Variants in FASTKD1 observed in about 807,000 individuals in gnomAD.
The protein encoded by FASTKD1 is FAST kinase domains 1.
Under a neutral mutation model 90.9 loss-of-function variants are expected in FASTKD1, and 94 were observed. The ratio of observed to expected loss-of-function variants is 1.03; its 90% confidence interval spans 0.88 to 1.23. The LOEUF is 1.23. FASTKD1 is among the 50% of genes most tolerant of loss of function. FASTKD1 has a pLI of 0.00. For missense variants in FASTKD1, 945 were observed against 993.5 expected, an observed-to-expected ratio of 0.95 and a Z score of 0.66; for synonymous variants, 319 against 345.8, an observed-to-expected ratio of 0.92 and a Z score of 0.86.
At chr2:169,571,503 G>C in intron 2 of FASTKD1, 150 bp downstream of exon 2, 1 of 497,440 alleles carries the variant, frequency 2.0e-6, no homozygotes, top group Non-Finnish European at 3.5e-6. Context: ...GGCAGAGCTT[G>C]CAGTGAGCCG....
chr2:169,556,265 C>T (rs141488951), intron 6 of FASTKD1, among the ~76,000 whole-genome samples: 1 of 151,630 alleles, frequency 6.6e-6, no homozygotes, highest in Non-Finnish European at 1.5e-5. Context: ...GGCAAAACAC[C>T]ATGTCTACAA....
At chr2:169,552,271 C>T (rs1008904517) in intron 7 of FASTKD1, among the ~76,000 whole-genome samples, 5 of 152,162 alleles carry the variant, frequency 3.3e-5, no homozygotes, top group Admixed American at 1.3e-4. Context: ...CATTATCATA[C>T]GTGCTTCAAG....
At chr2:169,548,767 AG>A (rs1389806159) in intron 7 of FASTKD1, among the ~76,000 whole-genome samples, 1 of 147,116 alleles carries the variant, frequency 6.8e-6, no homozygotes, top group Admixed American at 6.9e-5. Flanking sequence ...CTTTAGGTAT[AG>A]AAGTAGTGGA....
chr2:169,561,748 A>G (rs556392693), intron 4 of FASTKD1, among the ~76,000 whole-genome samples: 893 of 74,290 alleles, frequency 0.012, 11 homozygotes, highest in Non-Finnish European at 0.016. Flanking sequence ...ATTATTCATT[A>G]TAAATTATTT....
At chr2:169,532,563 T>C (rs1684538588) in intron 12 of FASTKD1, among the ~76,000 whole-genome samples, 1 of 151,790 alleles carries the variant, frequency 6.6e-6, no homozygotes, top group Non-Finnish European at 1.5e-5. Context: ...TAGATATCAC[T>C]AATGGTTTAC....
At chr2:169,553,485 C>A (rs1685591539) in intron 7 of FASTKD1, among the ~76,000 whole-genome samples, 1 of 152,146 alleles carries the variant, frequency 6.6e-6, no homozygotes. Context: ...TTTCTTATAA[C>A]ATCCTAATAC....
intron 12 of FASTKD1, among the ~76,000 whole-genome samples, chr2:169,534,450 GT>G (rs1249656293): frequency 0.021 from 2,577 of 124,924 alleles, 63 homozygotes; most frequent in African/African-American, 0.057. Context: ...AATTTCTGTT[GT>G]TTTTTTTTTT....
In FASTKD1 at chr2:169,529,665, C is replaced by G. The variant is rs1684390823; in HGVS notation, c.*160G>C. ...TCTTATACACTCCCACCCCACTCCC[C>G]ACTTGTTCTGCTCCAGCCACACTGG... On this transcript the variant is annotated 3_prime_UTR_variant, in exon 15 of 15. Transcript: ENST00000453153. The G allele has an allele frequency of 3.4e-6, 2 of 586,972 alleles. No homozygotes were observed. Among genetic ancestry groups the G allele is most frequent in the African/African-American group, 1.9e-5 (1 of 53,032 alleles). 36.4% of individuals were successfully genotyped at this position (586,972 alleles called of 1,614,324 possible). A position where few individuals can be genotyped will look rare whatever the true frequency, so the allele number is the denominator to read the frequency against.
At chr2:169,554,644 A>G (rs1471769237) in intron 7 of FASTKD1, among the ~76,000 whole-genome samples, 1 of 151,952 alleles carries the variant, frequency 6.6e-6, no homozygotes. Context: ...AGCCTGGGCA[A>G]CAAAGTGAGA....
rs781198901 is a variant in FASTKD1, at chr2:169,540,129, G to C, written c.1867C>G (p.Leu623Val). The stretch of plus-strand genomic sequence containing the variant: ...AGCAGATCTTCTGGAAAATATTCAA[G>C]TGTGGCCAAAGAGAAACCAAGAAAC... ...LVFLGFSLAT[L>V]EYFPEDLLKA... The change falls in exon 10 of 15, where the codon CTT (leucine) becomes GTT (valine). Residue 623 changes from leucine to valine, a missense_variant. Leu to Val is a conservative substitution (Grantham distance 32, BLOSUM62 1). Transcript: ENST00000453153. The C allele has an allele frequency of 1.4e-5, 22 of 1,608,218 alleles. No homozygotes were observed. The highest frequency in any genetic ancestry group is 3.4e-5 in the Admixed American group (2 of 59,672).
At chr2:169,538,252 G>A in intron 10 of FASTKD1, 111 bp from the exon 11 acceptor site, 1 of 872,196 alleles carries the variant, frequency 1.1e-6, no homozygotes, top group African/African-American at 1.7e-5. Flanking sequence ...TATTCTAACA[G>A]TATTTAGAAC....
intron 4 of FASTKD1, 58 bp downstream of exon 4, chr2:169,563,167 C>T: frequency 6.5e-7 from 1 of 1,538,228 alleles, no homozygotes; most frequent in Non-Finnish European, 8.9e-7. Flanking sequence ...CTGACTGCAT[C>T]CACATCCAAA....
At chr2:169,552,803 A>G (rs1430688927) in intron 7 of FASTKD1, among the ~76,000 whole-genome samples, 1 of 152,180 alleles carries the variant, frequency 6.6e-6, no homozygotes, top group Admixed American at 6.5e-5. Context: ...TACTAAGTAC[A>G]TTACTCAGGT....
At chr2:169,555,607 T>G (rs1021614248) in intron 6 of FASTKD1, among the ~76,000 whole-genome samples, 1 of 152,158 alleles carries the variant, frequency 6.6e-6, no homozygotes, top group Non-Finnish European at 1.5e-5. Context: ...TTAGCAAAAC[T>G]AATTTAATTT....
intron 7 of FASTKD1, among the ~76,000 whole-genome samples, chr2:169,551,555 A>C (rs2592822): frequency 6.6e-6 from 1 of 152,116 alleles, no homozygotes. Flanking sequence ...CCAGCACTTC[A>C]GGAGGCCAAG....
intron 12 of FASTKD1, 37 bp from the exon 13 acceptor site, chr2:169,531,527 T>G (rs1251965543): frequency 1.1e-5 from 17 of 1,536,672 alleles, no homozygotes; most frequent in Non-Finnish European, 1.5e-5. Context: ...ATGAATTAGG[T>G]AAAGTCTTAC....
At chr2:169,548,502 C>T (rs571552880) in intron 7 of FASTKD1, among the ~76,000 whole-genome samples, 121 of 150,966 alleles carry the variant, frequency 8.0e-4, no homozygotes, top group African/African-American at 2.7e-3. Flanking sequence ...GAGGCCAAGG[C>T]GGGGGATAGC....
At chr2:169,561,271 G>C (rs1386596935) in intron 4 of FASTKD1, among the ~76,000 whole-genome samples, 1 of 151,034 alleles carries the variant, frequency 6.6e-6, no homozygotes, top group South Asian at 2.1e-4. Flanking sequence ...AACAGAGGGA[G>C]ACTCCATCTC....
chr2:169,558,778 G>A (rs1239423325), intron 5 of FASTKD1, among the ~76,000 whole-genome samples: 3 of 151,196 alleles, frequency 2.0e-5, no homozygotes, highest in Non-Finnish European at 2.9e-5. Flanking sequence ...TAGTAGAGTC[G>A]GGGTTTCACC....
Sources: gnomAD v4.1 joint callset for allele counts (sites outside exome capture counted in the v4.1 genomes callset) on GRCh38, gnomAD v4.1.1 for gene constraint, MANE v1.5 for transcripts, NCBI Gene and HGNC (gene_info 2026-07-23, HGNC 2026-07-21) for gene names.